Variants in DENND1B observed in about 807,000 individuals in gnomAD.
The protein encoded by DENND1B is DENN domain-containing protein 1B.
DENND1B carries 59 observed loss-of-function variants against 90.1 expected under a neutral mutation model. The observed-to-expected ratio is 0.65, with a 90% CI of 0.53 to 0.81. The LOEUF (loss-of-function observed/expected upper bound fraction) is 0.81, where lower values mean the gene tolerates loss of function less well. DENND1B is among the 40% of genes least tolerant of loss of function. The pLI, the probability that DENND1B is intolerant of heterozygous loss-of-function variation, is 0.00. For synonymous variants in DENND1B, 337 were observed against 324.6 expected (o/e 1.04, Z -0.41); for missense variants, 862 against 912.6 (o/e 0.94, Z 0.71).
chr1:197,602,246 T>C (rs1238656516), intron 13 of DENND1B, among the ~76,000 whole-genome samples: 2 of 151,546 alleles, frequency 1.3e-5, no homozygotes, highest in South Asian at 2.1e-4. Context: ...AAAAGAAGTG[T>C]AATTATATTT....
intron 17 of DENND1B, 147 bp downstream of exon 17, chr1:197,546,586 T>A (rs1393967978): frequency 4.0e-6 from 3 of 742,566 alleles, no homozygotes; most frequent in Non-Finnish European, 6.1e-6. Context: ...ACTATAAACG[T>A]AAAATAAGAA....
upstream of DENND1B, among the ~76,000 whole-genome samples, chr1:197,777,142 G>A (rs1657310368): frequency 6.6e-6 from 1 of 151,818 alleles, no homozygotes; most frequent in Non-Finnish European, 1.5e-5. Context: ...TGCCCCAACT[G>A]TTACTGAATT....
At chr1:197,590,122 T>C (rs541402770) in intron 14 of DENND1B, among the ~76,000 whole-genome samples, 23 of 152,282 alleles carry the variant, frequency 1.5e-4, no homozygotes, top group African/African-American at 5.5e-4. Context: ...GAAAGATGCT[T>C]TGTTTGTGGT....
intron 16 of DENND1B, among the ~76,000 whole-genome samples, chr1:197,548,137 A>C (rs1670950016): frequency 6.6e-6 from 1 of 152,242 alleles, no homozygotes; most frequent in African/African-American, 2.4e-5. Flanking sequence ...AAAGTTTCAA[A>C]CTATCGTAGA....
At chr1:197,689,832 C>A in intron 3 of DENND1B, 1 of 152,722 alleles carries the variant, frequency 6.5e-6, no homozygotes. Flanking sequence ...GAAACAGTCC[C>A]TGCCATCAAT....
chr1:197,539,963 C>A lies in DENND1B; in HGVS notation c.1515+1G>T, dbSNP rs775992452. 5.6e-6 allele frequency: 9 copies of A among 1,607,678 alleles called. No homozygotes were observed. The highest frequency in any genetic ancestry group is 7.7e-6 in the Non-Finnish European group (9 of 1,175,116). On this transcript the variant is annotated splice_donor_variant, in intron 20 of 22. Coordinates refer to ENST00000620048, the MANE Select transcript of DENND1B (RefSeq NM_001195215.2). LOFTEE classifies it high-confidence loss of function. Reference sequence around the variant, plus strand: ...AATGAAGGGTAAATAACCTTACTTACCTGAGCAAGCTTACGCTTTTCTGAG... The same window carrying A: ...AATGAAGGGTAAATAACCTTACTTAACTGAGCAAGCTTACGCTTTTCTGAG...
intron 15 of DENND1B, among the ~76,000 whole-genome samples, chr1:197,570,125 G>T (rs1348673863): frequency 1.3e-5 from 2 of 151,294 alleles, no homozygotes; most frequent in Non-Finnish European, 2.9e-5. Context: ...AGGCACACTG[G>T]TTCATGCCTG....
In DENND1B at chr1:197,546,728, A is replaced by G; in HGVS notation, c.1281+5T>C. On this transcript the variant is annotated splice_donor_5th_base_variant and intron_variant, in intron 17 of 22. Transcript: ENST00000620048. ...AAAGAATAACATTTGAAAGCTTATG[A>G]TTACCTTGACTGTATGCACCCATTG... The G allele has an allele frequency of 6.5e-7, 1 of 1,542,982 alleles. No homozygotes were observed. The highest frequency in any genetic ancestry group is 8.7e-7 in the Non-Finnish European group (1 of 1,144,886).
At chr1:197,674,071 T>C (rs1655802109) in intron 4 of DENND1B, 49 bp downstream of exon 4, 2 of 1,253,158 alleles carry the variant, frequency 1.6e-6, no homozygotes, top group African/African-American at 3.1e-5. Flanking sequence ...CATTTTCAAG[T>C]ATGTACTATA....
intron 20 of DENND1B, among the ~76,000 whole-genome samples, chr1:197,522,203 G>A (rs1668825971): frequency 1.3e-5 from 2 of 152,034 alleles, no homozygotes; most frequent in Admixed American, 6.6e-5. Flanking sequence ...CATACTTTGC[G>A]AAATATGCTG....
chr1:197,679,279 G>C (rs571353228), intron 3 of DENND1B, among the ~76,000 whole-genome samples: 2 of 149,756 alleles, frequency 1.3e-5, no homozygotes, highest in African/African-American at 4.9e-5. Flanking sequence ...AAGCAGTGCA[G>C]AGTGACATTA....
chr1:197,642,936 G>T, intron 9 of DENND1B, 115 bp from the exon 10 acceptor site: 1 of 640,586 alleles, frequency 1.6e-6, no homozygotes, highest in Non-Finnish European at 2.7e-6. Flanking sequence ...ATTTAAAATG[G>T]TATTTATTAA....
chr1:197,694,133 T>G (rs1185239872), intron 3 of DENND1B, among the ~76,000 whole-genome samples: 1 of 151,160 alleles, frequency 6.6e-6, no homozygotes, highest in Non-Finnish European at 1.5e-5. Context: ...AAAATAGAAA[T>G]CACACCAAAG....
At chr1:197,713,848 ATTATT>A (rs1276655955) in intron 3 of DENND1B, among the ~76,000 whole-genome samples, 1 of 58,760 alleles carries the variant, frequency 1.7e-5, no homozygotes, top group South Asian at 4.8e-4. Flanking sequence ...ATTATATTAT[ATTATT>A]ATAATATATT....
chr1:197,702,831 C>T (rs1292671211), intron 3 of DENND1B, among the ~76,000 whole-genome samples: 2 of 152,058 alleles, frequency 1.3e-5, no homozygotes, highest in African/African-American at 2.4e-5. Flanking sequence ...ACATTAGTTA[C>T]TTAGATTAAA....
At chr1:197,736,032 A>T (rs1662648414) in intron 2 of DENND1B, 4 of 951,796 alleles carry the variant, frequency 4.2e-6, no homozygotes, top group South Asian at 2.8e-5. Context: ...CTGTTAAGGC[A>T]CCTACAAAGG....
chr1:197,514,072 G>A (rs1668230128), intron 20 of DENND1B, among the ~76,000 whole-genome samples: 1 of 151,604 alleles, frequency 6.6e-6, no homozygotes, highest in African/African-American at 2.4e-5. Flanking sequence ...TTCGTCAAGC[G>A]ATCCATTATA....
rs143210090 is a variant in DENND1B at position 197,744,852 on chromosome 1, T to A, written c.82+28016A>T. 8.1e-3 allele frequency among the ~76,000 whole-genome samples: 1,239 copies of A among 152,330 alleles called. 18 individuals carry two copies. Among genetic ancestry groups the A allele is most frequent in the African/African-American group, 0.029 (1,191 of 41,584 alleles). Reference sequence around the variant, plus strand: ...CAGTTGTTTAATGTAGCCACCTTCATCAATGATCTTAGCTAGATCTTCTGG... The same window carrying A: ...CAGTTGTTTAATGTAGCCACCTTCAACAATGATCTTAGCTAGATCTTCTGG... On this transcript the variant is annotated intron_variant, in intron 2 of 22. Coordinates refer to ENST00000620048, the MANE Select transcript of DENND1B (RefSeq NM_001195215.2).
At position 197,655,601 on chromosome 1, in the gene DENND1B, C is replaced by T. The variant is rs964398888; in HGVS notation, c.366+2699G>A. Among the ~76,000 whole-genome samples, 19 of 151,340 alleles carry T rather than the reference C, an allele frequency of 1.3e-4. 1 individual carries two copies. Among genetic ancestry groups the T allele is most frequent in the African/African-American group, 4.1e-4 (17 of 41,210 alleles). ...GGCTGGAGTGCGCTGGCGCGATCTG[C>T]GCTCACTGCAAGCTCCGCCTCCCGG... On this transcript the variant is annotated intron_variant, in intron 6 of 22. Transcript: ENST00000620048.
Sources: gnomAD v4.1 joint callset for allele counts (sites outside exome capture counted in the v4.1 genomes callset) on GRCh38, gnomAD v4.1.1 for gene constraint, MANE v1.5 for transcripts, NCBI Gene and HGNC (gene_info 2026-07-23, HGNC 2026-07-21) for gene names.